COPB1: variants seen among roughly 807,000 people sequenced by gnomAD.
COPB1 encodes the protein coatomer subunit beta.
A neutral mutation model predicts 108.7 loss-of-function variants in COPB1; 21 were observed. That is an observed-to-expected ratio of 0.19 (90% confidence interval 0.14 to 0.28). The LOEUF is 0.28. Ranked by LOEUF, COPB1 falls within the 10% of genes least tolerant of loss-of-function variation. The pLI is 1.00. For synonymous variants in COPB1, 378 were observed against 386.8 expected (o/e 0.98, Z 0.27); for missense variants, 919 against 1,141.3 (o/e 0.81, Z 2.81).
intron 14 of COPB1, among the ~76,000 whole-genome samples, chr11:14,470,097 G>A (rs1370433605): frequency 6.6e-6 from 1 of 152,132 alleles, no homozygotes; most frequent in Admixed American, 6.5e-5. Flanking sequence ...TCTATACTCT[G>A]AATTCAAATA....
chr11:14,494,709 T>G (rs1850979024), intron 2 of COPB1: 2 of 311,972 alleles, frequency 6.4e-6, no homozygotes, highest in Middle Eastern at 8.9e-4. Flanking sequence ...CCAATTGAGT[T>G]AATGCAGGCT....
Position 14,477,936 on chromosome 11 carries a change from G to A in COPB1, c.1359-921C>T, listed in dbSNP as rs566013712. On this transcript the variant is annotated intron_variant, in intron 11 of 21. Coordinates refer to ENST00000439561, the MANE Select transcript of COPB1 (RefSeq NM_001144061.2). ...AAAAAGAACTGCCTGAATCCAGGAG[G>A]CGGAGGTTGCAATGCCCTGAGATAG... Among the ~76,000 whole-genome samples the A allele has an allele frequency of 8.0e-5, 12 of 150,824 alleles. No homozygotes were observed. In the East Asian group the frequency reaches 1.9e-3, roughly 24 times the overall value.
In COPB1 at chr11:14,461,269, C is replaced by T. The variant is rs200120298; in HGVS notation, c.2473G>A (p.Asp825Asn). 15 of 1,613,950 alleles carry T rather than the reference C, an allele frequency of 9.3e-6. No homozygotes were observed. The highest frequency in any genetic ancestry group is 5.5e-5 in the South Asian group (5 of 91,082). Residue 825 changes from aspartate (D) to asparagine (N), a missense_variant, in exon 19 of 22, where the codon GAC becomes AAC. By Grantham distance (23) the Asp-to-Asn change is conservative (BLOSUM62 1). This residue lies in a region of COPB1 where 705 missense variants were observed against 817.8 expected (regional missense o/e 0.86). Transcript: ENST00000439561. Reference protein sequence around the residue: ...NCVVLSDIHIDIMDYIQPATC... With the variant: ...NCVVLSDIHINIMDYIQPATC... ...GCAGGCTGGATATAGTCCATGATGT[C>T]GATGTGAATATCACTGAGAACCACA...
intron 14 of COPB1, 199 bp downstream of exon 14, chr11:14,474,295 AT>A: frequency 2.6e-6 from 1 of 386,046 alleles, no homozygotes. Flanking sequence ...GTCAATTTTC[AT>A]TTTTTTAAAG....
At chr11:14,479,448 A>C (rs1850608406) in intron 11 of COPB1, 121 bp downstream of exon 11, 2 of 904,976 alleles carry the variant, frequency 2.2e-6, no homozygotes, top group Non-Finnish European at 3.2e-6. Context: ...CTTGTTGTAC[A>C]AACTTGTCTT....
At chr11:14,459,780 G>A (rs1010213182) in intron 20 of COPB1, among the ~76,000 whole-genome samples, 12 of 151,746 alleles carry the variant, frequency 7.9e-5, no homozygotes, top group South Asian at 2.1e-4. Flanking sequence ...CCACACCTGG[G>A]TAATTTTTGT....
chr11:14,475,753 A>C (rs1290180514), intron 13 of COPB1, 32 bp downstream of exon 13: 103 of 1,474,474 alleles, frequency 7.0e-5, no homozygotes, highest in Non-Finnish European at 9.2e-5. Context: ...TAAAAGTAGT[A>C]CAGCTGGCAG....
intron 2 of COPB1, 29 bp from the exon 3 acceptor site, chr11:14,494,468 C>A (rs527439658): frequency 4.2e-6 from 5 of 1,198,594 alleles, no homozygotes; most frequent in East Asian, 2.4e-5. Context: ...TAAAAAAAAG[C>A]ACAATTATTT....
At chr11:14,489,271 T>C (rs909779691) in intron 5 of COPB1, among the ~76,000 whole-genome samples, 5 of 152,212 alleles carry the variant, frequency 3.3e-5, no homozygotes, top group African/African-American at 9.6e-5. Context: ...TGTGCACTAC[T>C]AGTGAGAATG....
intron 6 of COPB1, among the ~76,000 whole-genome samples, chr11:14,488,111 A>G (rs1333770071): frequency 6.6e-6 from 1 of 152,214 alleles, no homozygotes; most frequent in African/African-American, 2.4e-5. Context: ...CAAACAGGGA[A>G]CATAAAAAGT....
intron 4 of COPB1, among the ~76,000 whole-genome samples, chr11:14,492,535 G>A (rs992828253): frequency 2.0e-5 from 3 of 151,580 alleles, no homozygotes; most frequent in African/African-American, 7.3e-5. Flanking sequence ...TAGAGACGGG[G>A]TTTCTCCATG....
In COPB1 at chr11:14,466,412, T is replaced by C. The variant is rs149670099; in HGVS notation, c.2160A>G (p.Thr720=). ...ASKLNKVTQL[T]GFSDPVYAEA... is the part of the protein sequence containing the mutation. Reference sequence around the variant, plus strand: ...CTGCATATACAGGATCTGAGAAACCTGTCAATTGGGTGACCTGTCAAAACA... The same window carrying C: ...CTGCATATACAGGATCTGAGAAACCCGTCAATTGGGTGACCTGTCAAAACA... The change falls in exon 17 of 22, where the codon ACA becomes ACG. Residue 720 remains threonine, a synonymous_variant. Coordinates refer to ENST00000439561, the MANE Select transcript of COPB1 (RefSeq NM_001144061.2). 3 of 1,611,532 alleles carry C rather than the reference T, an allele frequency of 1.9e-6. No individual in the cohort carries two copies. Among genetic ancestry groups the C allele is most frequent in the African/African-American group, 1.3e-5 (1 of 75,016 alleles).
chr11:14,497,374 A>G (rs1851046610), intron 2 of COPB1, among the ~76,000 whole-genome samples: 1 of 152,204 alleles, frequency 6.6e-6, no homozygotes, highest in Non-Finnish European at 1.5e-5. Flanking sequence ...TGATTTAAAA[A>G]TGGGCAAAAG....
In COPB1 at chr11:14,474,586, C is replaced by G. The variant is rs1237027542; in HGVS notation, c.1646G>C (p.Gly549Ala). Reference sequence around the variant, plus strand: ...AAGGGAGGCAGCAACAAAGAAATCTCCATCCAGAAGGAATCCTCTCAAGGG... The same window carrying G: ...AAGGGAGGCAGCAACAAAGAAATCTGCATCCAGAAGGAATCCTCTCAAGGG... ...RPPLRGFLLD[G>A]DFFVAASLAT... is the part of the protein sequence containing the mutation. Residue 549 changes from glycine to alanine, a missense_variant, in exon 14 of 22, where the codon GGA (glycine) becomes GCA (alanine). Gly to Ala is a moderately conservative substitution (Grantham distance 60, BLOSUM62 0). Around this residue, in one of 5 missense-constraint regions of COPB1, gnomAD observed 705 missense variants for 817.8 expected, o/e 0.86. Coordinates refer to ENST00000439561, the MANE Select transcript of COPB1 (RefSeq NM_001144061.2). 6.2e-7 allele frequency: 1 copy of G among 1,613,902 alleles called. No individual in the cohort carries two copies.
At chr11:14,460,825 A>C (rs1850129666) in intron 19 of COPB1, among the ~76,000 whole-genome samples, 1 of 152,178 alleles carries the variant, frequency 6.6e-6, no homozygotes, top group Non-Finnish European at 1.5e-5. Context: ...ATTTCTAATA[A>C]AAGTCAAGGC....
At chr11:14,495,980 G>T (rs1195688913) in intron 2 of COPB1, among the ~76,000 whole-genome samples, 1 of 151,940 alleles carries the variant, frequency 6.6e-6, no homozygotes, top group Non-Finnish European at 1.5e-5. Flanking sequence ...CATAAAACTG[G>T]GTTTCTTTTC....
Position 14,497,851 on chromosome 11 carries a change from T to G in COPB1, c.91+987A>C, listed in dbSNP as rs955809237. 2.6e-5 allele frequency among the ~76,000 whole-genome samples: 4 copies of G among 152,204 alleles called. No individual in the cohort carries two copies. The East Asian group carries it at 7.7e-4, about 29-fold the overall frequency. ...GTGGTACATATACACAATGGAGTAC[T>G]ATTCAGCCATAAAAAAAGAATGAGA... On this transcript the variant is annotated intron_variant, in intron 2 of 21. Transcript: ENST00000439561.
chr11:14,460,434 C>T (rs1279907991), intron 19 of COPB1, 137 bp from the exon 20 acceptor site: 2 of 582,760 alleles, frequency 3.4e-6, no homozygotes, highest in Non-Finnish European at 6.1e-6. Context: ...TAAATAACAT[C>T]TATAAAATCC....
intron 7 of COPB1, 113 bp from the exon 8 acceptor site, chr11:14,483,264 A>G: frequency 1.7e-6 from 1 of 586,560 alleles, no homozygotes. Flanking sequence ...ACACACTCCC[A>G]TGAAGCCAAA....
Sources: gnomAD v4.1 joint callset for allele counts (sites outside exome capture counted in the v4.1 genomes callset) on GRCh38, gnomAD v4.1.1 for gene constraint, gnomAD v4.1.1 regional missense constraint, MANE v1.5 for transcripts, NCBI Gene and HGNC (gene_info 2026-07-23, HGNC 2026-07-21) for gene names.